Variants in RANBP17 observed in about 807,000 individuals in gnomAD.
RANBP17 encodes the protein RAN binding protein 17, also known as ran-binding protein 17.
Under a neutral mutation model 141.2 loss-of-function variants are expected in RANBP17, and 158 were observed. The ratio of observed to expected loss-of-function variants is 1.12; its 90% CI spans 0.98 to 1.28. RANBP17 has a LOEUF of 1.28. Among genes scored for constraint, RANBP17 ranks in the 50% most tolerant of loss-of-function variants. The probability of loss-of-function intolerance (pLI) is 0.00; values close to 1 mark genes in which losing one functional copy is unlikely to be tolerated. For synonymous variants in RANBP17, 430 were observed against 450.0 expected (o/e 0.96, Z 0.56); for missense variants, 1,438 against 1,290.7 (o/e 1.11, Z -1.75).
At chr5:170,936,292 G>A (rs980002411) in intron 12 of RANBP17, among the ~76,000 whole-genome samples, 6 of 152,152 alleles carry the variant, frequency 3.9e-5, no homozygotes, top group Admixed American at 3.9e-4. Context: ...CGACTTGTTT[G>A]GCAAGCCCTA....
At chr5:170,911,517 C>T (rs1238516688) in intron 7 of RANBP17, 2 of 721,482 alleles carry the variant, frequency 2.8e-6, no homozygotes, top group East Asian at 5.1e-5. Flanking sequence ...TCAGTGTTAG[C>T]AAAATCTGGT....
intron 14 of RANBP17, among the ~76,000 whole-genome samples, chr5:170,983,832 CAGAA>C (rs778250878): frequency 2.0e-4 from 30 of 152,170 alleles, no homozygotes; most frequent in Non-Finnish European, 3.2e-4. Context: ...TTTTGGGAAT[CAGAA>C]AGGCTTCTGG....
At chr5:171,008,797 G>A (rs1216956931) in intron 14 of RANBP17, among the ~76,000 whole-genome samples, 1 of 152,108 alleles carries the variant, frequency 6.6e-6, no homozygotes, top group Non-Finnish European at 1.5e-5. Flanking sequence ...GATGTATACA[G>A]GCAGGTCACA....
intron 20 of RANBP17, among the ~76,000 whole-genome samples, chr5:171,211,771 T>C (rs1009659747): frequency 3.3e-5 from 5 of 151,952 alleles, no homozygotes; most frequent in Non-Finnish European, 7.4e-5. Flanking sequence ...GTCTGTCTAA[T>C]AGGAGAAAGT....
intron 1 of RANBP17, among the ~76,000 whole-genome samples, chr5:170,873,823 T>C (rs1376831410): frequency 6.6e-6 from 1 of 152,182 alleles, no homozygotes; most frequent in Admixed American, 6.5e-5. Flanking sequence ...TTTTGAAGGA[T>C]TTTTCGTGTC....
chr5:170,886,141 G>A (rs915273910), intron 3 of RANBP17, among the ~76,000 whole-genome samples: 2 of 152,072 alleles, frequency 1.3e-5, no homozygotes, highest in African/African-American at 2.4e-5. Context: ...CGTGTGTACC[G>A]TGTATGACCC....
chr5:171,207,797 G>A (rs1379271706), intron 20 of RANBP17: 1 of 152,116 alleles, frequency 6.6e-6, no homozygotes, highest in Non-Finnish European at 1.5e-5. Context: ...GTTTTCCTTT[G>A]GGCGAGGGAT....
intron 1 of RANBP17, among the ~76,000 whole-genome samples, chr5:170,869,159 A>G (rs1032921542): frequency 6.6e-6 from 1 of 152,176 alleles, no homozygotes; most frequent in Non-Finnish European, 1.5e-5. Context: ...TGATTTAAAT[A>G]CTATGTAAAT....
intron 14 of RANBP17, among the ~76,000 whole-genome samples, chr5:171,010,191 A>G (rs1463793082): frequency 6.6e-6 from 1 of 152,198 alleles, no homozygotes; most frequent in African/African-American, 2.4e-5. Context: ...GAAAGCTTAA[A>G]GAATTAAAGA....
chr5:171,095,926 G>A (rs954190471), intron 14 of RANBP17, among the ~76,000 whole-genome samples: 2 of 152,102 alleles, frequency 1.3e-5, no homozygotes, highest in Non-Finnish European at 2.9e-5. Context: ...TAAAATAAAG[G>A]AAGGTAGGGG....
chr5:170,937,324 A>AT (rs931131348), intron 12 of RANBP17, among the ~76,000 whole-genome samples: 15 of 151,840 alleles, frequency 9.9e-5, no homozygotes, highest in Non-Finnish European at 2.1e-4. Context: ...TTTAGGGCAG[A>AT]TTTTTTTTAC....
At chr5:170,902,087 G>A (rs1392499403) in intron 5 of RANBP17, among the ~76,000 whole-genome samples, 1 of 152,186 alleles carries the variant, frequency 6.6e-6, no homozygotes, top group East Asian at 1.9e-4. Context: ...GGTTGGGGAA[G>A]TTCTCCTGGA....
chr5:171,075,117 A>G (rs1324674786), intron 14 of RANBP17, among the ~76,000 whole-genome samples: 1 of 152,204 alleles, frequency 6.6e-6, no homozygotes, highest in Non-Finnish European at 1.5e-5. Context: ...CGTTCCAATA[A>G]TGGAACATTG....
At chr5:171,185,537 A>G (rs1761177645) in intron 18 of RANBP17, among the ~76,000 whole-genome samples, 1 of 152,220 alleles carries the variant, frequency 6.6e-6, no homozygotes, top group Non-Finnish European at 1.5e-5. Flanking sequence ...AACAATGTTC[A>G]CAGCGTCTTT....
intron 12 of RANBP17, among the ~76,000 whole-genome samples, chr5:170,925,170 A>G (rs758436177): frequency 4.6e-5 from 7 of 152,150 alleles, no homozygotes; most frequent in Non-Finnish European, 1.0e-4. Context: ...GTTGTTTTGC[A>G]TATTTGTTTA....
At chr5:170,924,799 A>T in intron 12 of RANBP17, 1 of 323,624 alleles carries the variant, frequency 3.1e-6, no homozygotes, top group Non-Finnish European at 5.7e-6. Flanking sequence ...AGAAAAATTG[A>T]TAATGGCCCT....
intron 25 of RANBP17, among the ~76,000 whole-genome samples, chr5:171,268,764 C>T (rs1766908727): frequency 6.6e-6 from 1 of 152,158 alleles, no homozygotes; most frequent in African/African-American, 2.4e-5. Context: ...AGCACTCAAC[C>T]ATAATCACAG....
chr5:171,137,590 G>GTC lies in RANBP17; in HGVS notation c.1711-32539_1711-32538insCT, dbSNP rs1554103806. Among the ~76,000 whole-genome samples the GTC allele has an allele frequency of 2.8e-5, 4 of 143,554 alleles. No individual in the cohort carries two copies. In the Admixed American group the frequency reaches 2.8e-4, roughly 10 times the overall value. The allele number at this position is 143,554 out of a possible 152,430, so 94.2% of individuals were successfully genotyped here. On this transcript the variant is annotated intron_variant, in intron 14 of 27. Coordinates refer to ENST00000523189, the MANE Select transcript of RANBP17 (RefSeq NM_022897.5). ...ACTTGAGATGTGTGTGTGTGTGTGT[G>GTC]TGTGTGTGTGTGTGTCTGTGTGTGT...
chr5:170,923,277 A>G (rs1772627011), intron 11 of RANBP17, among the ~76,000 whole-genome samples: 1 of 152,100 alleles, frequency 6.6e-6, no homozygotes, highest in Admixed American at 6.5e-5. Flanking sequence ...TTCTCCATTG[A>G]ATTGTTTTTA....
Sources: gnomAD v4.1 joint callset for allele counts (sites outside exome capture counted in the v4.1 genomes callset) on GRCh38, gnomAD v4.1.1 for gene constraint, MANE v1.5 for transcripts, NCBI Gene and HGNC (gene_info 2026-07-23, HGNC 2026-07-21) for gene names.